Variants in DCDC2C observed in about 807,000 individuals in gnomAD.
DCDC2C encodes doublecortin domain-containing protein 2C.
In DCDC2C, 44 loss-of-function variants were observed where a neutral mutation model predicts 45.0. The ratio of observed to expected loss-of-function variants is 0.98; its 90% CI spans 0.77 to 1.26. DCDC2C has a LOEUF of 1.26. DCDC2C is among the 50% of genes most tolerant of loss of function. The probability of loss-of-function intolerance (pLI) is 0.00; values close to 1 mark genes in which losing one functional copy is unlikely to be tolerated. For synonymous variants in DCDC2C, 187 were observed against 178.8 expected (o/e 1.05, Z -0.37); for missense variants, 447 against 468.9 (o/e 0.95, Z 0.43).
At chr2:3,720,250 T>C (rs768537551) in intron 2 of DCDC2C, among the ~76,000 whole-genome samples, 102 of 152,328 alleles carry the variant, frequency 6.7e-4, no homozygotes, top group Non-Finnish European at 1.2e-3. Flanking sequence ...TGTGAGGACG[T>C]AGCAAAACGT....
At chr2:3,803,604 A>G (rs1671163354) in intron 10 of DCDC2C, among the ~76,000 whole-genome samples, 2 of 152,154 alleles carry the variant, frequency 1.3e-5, no homozygotes, top group African/African-American at 4.8e-5. Context: ...GTGCCTCTGC[A>G]TTTCCATTTC....
intron 3 of DCDC2C, among the ~76,000 whole-genome samples, chr2:3,728,416 C>T (rs1002611028): frequency 1.3e-5 from 2 of 152,218 alleles, no homozygotes; most frequent in African/African-American, 4.8e-5. Context: ...GATGTCTTTC[C>T]CGCAGAACAT....
intron 3 of DCDC2C, among the ~76,000 whole-genome samples, chr2:3,737,502 G>A (rs759215762): frequency 1.3e-5 from 2 of 152,108 alleles, no homozygotes; most frequent in South Asian, 2.1e-4. Flanking sequence ...AATGTATTTC[G>A]GAGAGAAACA....
intron 10 of DCDC2C, among the ~76,000 whole-genome samples, chr2:3,842,931 C>T (rs1672250664): frequency 6.6e-6 from 1 of 152,176 alleles, no homozygotes; most frequent in South Asian, 2.1e-4. Flanking sequence ...TTGCCTGGCC[C>T]CGTTTAGCTG....
chr2:3,743,598 T>C (rs549387034), intron 4 of DCDC2C, among the ~76,000 whole-genome samples: 3 of 152,242 alleles, frequency 2.0e-5, no homozygotes, highest in Non-Finnish European at 2.9e-5. Flanking sequence ...AGGAGGAAAA[T>C]TGGAAAATTC....
intron 6 of DCDC2C, among the ~76,000 whole-genome samples, chr2:3,763,426 T>G (rs1669937613): frequency 6.6e-6 from 1 of 152,160 alleles, no homozygotes; most frequent in Non-Finnish European, 1.5e-5. Flanking sequence ...TGGTCATGGA[T>G]TTTTCTAAAA....
At chr2:3,762,771 C>A (rs1191568655) in intron 6 of DCDC2C, among the ~76,000 whole-genome samples, 1 of 152,132 alleles carries the variant, frequency 6.6e-6, no homozygotes, top group East Asian at 1.9e-4. Context: ...GACAAACATC[C>A]AAACTATATC....
intron 1 of DCDC2C, among the ~76,000 whole-genome samples, chr2:3,705,142 G>GT (rs781534405): frequency 5.3e-5 from 8 of 152,090 alleles, no homozygotes; most frequent in Non-Finnish European, 1.2e-4. Context: ...TTTGTTTGTT[G>GT]TTTTTTGAAA....
At chr2:3,711,607 G>A (rs1011155554) in intron 2 of DCDC2C, among the ~76,000 whole-genome samples, 3 of 152,160 alleles carry the variant, frequency 2.0e-5, no homozygotes, top group Admixed American at 1.3e-4. Flanking sequence ...GCCTGCTCTA[G>A]GAGGATGTGA....
At chr2:3,727,165 GC>G in intron 3 of DCDC2C, 86 bp downstream of exon 3, 1 of 1,144,798 alleles carries the variant, frequency 8.7e-7, no homozygotes, top group African/African-American at 1.5e-5. Context: ...ATGCCCCTCA[GC>G]CCCCTTTCTG....
At chr2:3,727,496 G>A (rs357942) in intron 3 of DCDC2C, among the ~76,000 whole-genome samples, 77,112 of 151,868 alleles carry the variant, frequency 0.51, 20,641 homozygotes, top group South Asian at 0.7. Flanking sequence ...TGTTTCCCCC[G>A]CCCCTTGACC....
chr2:3,708,989 A>T (rs1357606391), intron 2 of DCDC2C, among the ~76,000 whole-genome samples: 1 of 152,236 alleles, frequency 6.6e-6, no homozygotes, highest in Non-Finnish European at 1.5e-5. Flanking sequence ...AGTGCTCAAC[A>T]TTTTTGTACG....
chr2:3,778,597 G>A (rs1021130600), intron 8 of DCDC2C, among the ~76,000 whole-genome samples: 4 of 152,106 alleles, frequency 2.6e-5, no homozygotes, highest in African/African-American at 9.7e-5. Context: ...AGAAGAAAGA[G>A]GTTTCTCCAG....
At position 3,775,150 on chromosome 2, in the gene DCDC2C, CTGTGAGCTAGGCAGCTGT is replaced by C. The variant is rs1558221313; in HGVS notation, c.955-3665_955-3648del. Among the ~76,000 whole-genome samples the C allele has an allele frequency of 8.8e-4, 109 of 123,654 alleles. 1 individual carries two copies. Among genetic ancestry groups the C allele is most frequent in the Middle Eastern group, 4.2e-3 (1 of 240 alleles). 81.1% of individuals were successfully genotyped at this position (123,654 alleles called of 152,430 possible). A position where few individuals can be genotyped will look rare whatever the true frequency, so the allele number is the denominator to read the frequency against. Reference sequence around the variant, plus strand: ...GTGGCTGTGAGCTAGGCAGCTGTGGCTGTGAGCTAGGCAGCTGTGGCTGTGGGCTAGGCAGCTGTGGCT... The same window carrying C: ...GTGGCTGTGAGCTAGGCAGCTGTGGCGGCTGTGGGCTAGGCAGCTGTGGCT... On this transcript the variant is annotated intron_variant, in intron 8 of 10. Transcript: ENST00000399143.
chr2:3,752,602 G>A (rs557551617), intron 4 of DCDC2C, 161 bp from the exon 5 acceptor site: 139 of 797,984 alleles, frequency 1.7e-4, no homozygotes, highest in African/African-American at 2.7e-4. Flanking sequence ...AGCAGTTCCC[G>A]TCGGGTTTAA....
intron 8 of DCDC2C, among the ~76,000 whole-genome samples, chr2:3,777,875 C>G (rs1006029514): frequency 6.6e-6 from 1 of 152,258 alleles, no homozygotes; most frequent in African/African-American, 2.4e-5. Context: ...ATTCACTTCT[C>G]TGCCCACTGT....
At position 3,767,867 on chromosome 2, in the gene DCDC2C, C is replaced by T. The variant is rs891101326; in HGVS notation, c.840C>T (p.Val280=). ...EKKKTLAEPL[V]QRGAEGDVYK... is the part of the protein sequence containing the mutation. Reference sequence around the variant, plus strand: ...AGAAAACATTGGCAGAACCTTTAGTCCAAAGGGGTGCAGGTGACGTGCAGT... The same window carrying T: ...AGAAAACATTGGCAGAACCTTTAGTTCAAAGGGGTGCAGGTGACGTGCAGT... The change falls in exon 7 of 11, where the codon GTC becomes GTT. Residue 280 remains valine (V), a synonymous_variant. Coordinates refer to ENST00000399143, the MANE Select transcript of DCDC2C (RefSeq NM_001287444.2). 1.3e-6 allele frequency: 2 copies of T among 1,529,332 alleles called. No homozygotes were observed. Among genetic ancestry groups the T allele is most frequent in the Non-Finnish European group, 1.8e-6 (2 of 1,139,546 alleles). 94.7% of individuals were successfully genotyped at this position (1,529,332 alleles called of 1,614,324 possible). A position where few individuals can be genotyped will look rare whatever the true frequency, so the allele number is the denominator to read the frequency against.
intron 3 of DCDC2C, 29 bp downstream of exon 3, chr2:3,727,108 C>A: frequency 1.3e-6 from 2 of 1,509,562 alleles, no homozygotes; most frequent in South Asian, 2.4e-5. Context: ...GTGAAAAAAT[C>A]AAACTGTGCC....
chr2:3,748,929 TACCCAGTGAG>T (rs1393380631), intron 4 of DCDC2C, among the ~76,000 whole-genome samples: 4 of 152,188 alleles, frequency 2.6e-5, no homozygotes, highest in African/African-American at 7.2e-5. Context: ...GGGTTCAGGG[TACCCAGTGAG>T]ACCCTGCATC....
Sources: allele counts gnomAD v4.1 joint callset (sites outside exome capture counted in the v4.1 genomes callset), GRCh38; gene constraint gnomAD v4.1.1; transcripts MANE v1.5; gene names NCBI Gene and HGNC (gene_info 2026-07-23, HGNC 2026-07-21).